PRDM1: variants seen among roughly 807,000 people sequenced by gnomAD.
PRDM1 encodes PR domain zinc finger protein 1.
A neutral mutation model predicts 62.8 loss-of-function variants in PRDM1; 13 were observed. The observed-to-expected ratio is 0.21, with a 90% confidence interval of 0.13 to 0.33. The LOEUF is 0.33. Ranked by LOEUF, PRDM1 falls within the 10% of genes least tolerant of loss-of-function variation. The probability of loss-of-function intolerance (pLI) is 1.00; values close to 1 mark genes in which losing one functional copy is unlikely to be tolerated. For synonymous variants in PRDM1, 396 were observed against 417.6 expected (o/e 0.95, Z 0.63); for missense variants, 895 against 1,058.8 (o/e 0.85, Z 2.15).
rs370467612 is a variant in PRDM1 at position 106,099,558 on chromosome 6, T to C, written c.664+6T>C. The C allele has an allele frequency of 6.2e-7, 1 of 1,613,144 alleles. No homozygotes were observed. Among genetic ancestry groups the C allele is most frequent in the Non-Finnish European group, 8.5e-7 (1 of 1,179,346 alleles). On this transcript the variant is annotated splice_donor_region_variant and intron_variant, in intron 4 of 6. Transcript: ENST00000369096. ...GCTGACAATGATGAATCTCAGTAAG[T>C]GGATTACAGAACAAAAAAATAAAAA...
chr6:106,038,892 G>T (rs1772956056), intron 1 of PRDM1, among the ~76,000 whole-genome samples: 1 of 152,154 alleles, frequency 6.6e-6, no homozygotes. Flanking sequence ...CAGTGTGTTT[G>T]TTGTCTAGCT....
At chr6:106,019,253 CAAAAAAAAAAAAAAAA>C (rs55704256) in intron 1 of PRDM1, among the ~76,000 whole-genome samples, 2 of 69,630 alleles carry the variant, frequency 2.9e-5, no homozygotes, top group African/African-American at 6.0e-5. Context: ...GACTCCATCT[CAAAAAAAAAAAAAAAA>C]AAAAAAAAAA....
At chr6:106,069,876 TA>T (rs1023212809) in intron 1 of PRDM1, among the ~76,000 whole-genome samples, 1 of 152,092 alleles carries the variant, frequency 6.6e-6, no homozygotes, top group African/African-American at 2.4e-5. Context: ...TTTTTCACCT[TA>T]AAAAAAGGTC....
At chr6:106,011,168 G>A (rs1432766815) in intron 1 of PRDM1, among the ~76,000 whole-genome samples, 2 of 152,094 alleles carry the variant, frequency 1.3e-5, no homozygotes, top group African/African-American at 2.4e-5. Flanking sequence ...CTATTTTAAA[G>A]AATTAAATTA....
chr6:106,018,899 A>G (rs1772657659), intron 1 of PRDM1, among the ~76,000 whole-genome samples: 1 of 151,240 alleles, frequency 6.6e-6, no homozygotes, highest in African/African-American at 2.4e-5. Context: ...CCTCACACAC[A>G]AGGAGGAGGG....
At chr6:106,086,318 A>G, upstream of PRDM1, 1 of 440,286 alleles carries the variant, frequency 2.3e-6, no homozygotes, top group African/African-American at 2.0e-5. Context: ...TTAAGCAGGG[A>G]GGGGAAGCCA....
rs765915166 is a variant in PRDM1, at chr6:106,105,513, C to T, written c.1353C>T (p.Leu451=). The change falls in exon 5 of 7, where the codon CTC becomes CTT. Residue 451 remains leucine, a synonymous_variant. Transcript: ENST00000369096. ...PRLCPVYSNL[L]GGGSLPHPML... ...TGTGCCCTGTCTACAGCAATCTCCT[C>T]GGTGGGGGCAGCCTGCCCCACCCCA... 1.9e-6 allele frequency: 3 copies of T among 1,613,886 alleles called. No homozygotes were observed. Among genetic ancestry groups the T allele is most frequent in the East Asian group, 2.2e-5 (1 of 44,880 alleles).
intron 4 of PRDM1, among the ~76,000 whole-genome samples, chr6:106,101,740 G>A (rs189387284): frequency 5.1e-4 from 77 of 152,270 alleles, no homozygotes; most frequent in African/African-American, 1.8e-3. Flanking sequence ...ACTGTGTTGG[G>A]TTTCCATGCT....
At chr6:106,026,945 G>A (rs966835396) in intron 1 of PRDM1, among the ~76,000 whole-genome samples, 1 of 152,180 alleles carries the variant, frequency 6.6e-6, no homozygotes, top group Non-Finnish European at 1.5e-5. Context: ...GAGAATGTAA[G>A]ATGTGCTGTT....
rs910451032 is a variant in PRDM1, at chr6:106,108,501, TTTG to T, written c.*1022_*1024del. 1.7e-5 allele frequency: 4 copies of T among 231,408 alleles called. No homozygotes were observed. The highest frequency in any genetic ancestry group is 6.7e-5 in the African/African-American group (3 of 44,792). 14.3% of individuals were successfully genotyped at this position (231,408 alleles called of 1,614,324 possible). ...TTGGGGGCTTGAGTCTGGGTGGTGT[TTTG>T]TTGTTGGTTTTTGTTGCTTTTTTTT... On this transcript the variant is annotated 3_prime_UTR_variant, in exon 7 of 7. Coordinates refer to ENST00000369096, the MANE Select transcript of PRDM1 (RefSeq NM_001198.4).
intron 1 of PRDM1, among the ~76,000 whole-genome samples, chr6:106,073,888 G>A (rs1773560232): frequency 6.6e-6 from 1 of 152,176 alleles, no homozygotes; most frequent in African/African-American, 2.4e-5. Context: ...CCTCAGTGAG[G>A]TGTTCTTATT....
Position 106,095,682 on chromosome 6 carries a change from T to C in PRDM1, c.359T>C (p.Ile120Thr), listed in dbSNP as rs1362252269. 1.2e-6 allele frequency: 2 copies of C among 1,613,882 alleles called. No individual in the cohort carries two copies. Among genetic ancestry groups the C allele is most frequent in the African/African-American group, 2.7e-5 (2 of 74,900 alleles). The part of the protein sequence containing the change: ...GTRFGPLIGE[I>T]YTNDTVPKNA... Reference sequence around the variant, plus strand: ...CGTTTTGGACCCCTAATAGGTGAAATCTACACCAATGACACAGTTCCTAAG... The same window carrying C: ...CGTTTTGGACCCCTAATAGGTGAAACCTACACCAATGACACAGTTCCTAAG... The change falls in exon 3 of 7, where the codon ATC becomes ACC. Residue 120 changes from isoleucine (I) to threonine (T), a missense_variant. By Grantham distance (89) the Ile-to-Thr change is moderately conservative. Around this residue, in one of 4 missense-constraint regions of PRDM1, gnomAD observed 213 missense variants for 283.9 expected, o/e 0.75. Transcript: ENST00000369096.
intron 1 of PRDM1, among the ~76,000 whole-genome samples, chr6:105,999,996 C>G (rs1354805739): frequency 6.6e-6 from 1 of 152,008 alleles, no homozygotes; most frequent in Non-Finnish European, 1.5e-5. Flanking sequence ...ACTACAGGCG[C>G]CTGCCACCAC....
rs1774196170 is a variant in PRDM1 at position 106,099,220 on chromosome 6, C to T, written c.412-80C>T. On this transcript the variant is annotated intron_variant, in intron 3 of 6. Coordinates refer to ENST00000369096, the MANE Select transcript of PRDM1 (RefSeq NM_001198.4). Reference sequence around the variant, plus strand: ...AGGGGATCAGAAATCACACACGGTACCGGCTGTGTTTATTCTGAGAGGTGC... The same window carrying T: ...AGGGGATCAGAAATCACACACGGTATCGGCTGTGTTTATTCTGAGAGGTGC... The T allele has an allele frequency of 2.5e-6, 4 of 1,602,722 alleles. No individual in the cohort carries two copies. In the South Asian group the frequency reaches 4.4e-5, roughly 18 times the overall value.
rs1461042621 is a variant in PRDM1, at chr6:106,108,578, G to C, written c.*1092G>C. 4.4e-6 allele frequency: 1 copy of C among 225,894 alleles called. No individual in the cohort carries two copies. The highest frequency in any genetic ancestry group is 2.3e-5 in the African/African-American group (1 of 42,728). The allele number at this position is 225,894 out of a possible 1,614,324, so 14.0% of individuals were successfully genotyped here. A position where few individuals can be genotyped will look rare whatever the true frequency, so the allele number is the denominator to read the frequency against. On this transcript the variant is annotated 3_prime_UTR_variant, in exon 7 of 7. Coordinates refer to ENST00000369096, the MANE Select transcript of PRDM1 (RefSeq NM_001198.4). ...TTGCACAAACATGGTGCTCTACCAG[G>C]AAGGATTCGAGGTAGATAGGCTCAG...
upstream of PRDM1, among the ~76,000 whole-genome samples, chr6:106,085,231 T>C (rs1773769431): frequency 6.6e-6 from 1 of 152,062 alleles, no homozygotes; most frequent in Admixed American, 6.6e-5. Flanking sequence ...CACACGTGTA[T>C]TTAAAATGTT....
intron 1 of PRDM1, among the ~76,000 whole-genome samples, chr6:106,022,226 T>G (rs1319105162): frequency 6.6e-6 from 1 of 152,182 alleles, no homozygotes; most frequent in Non-Finnish European, 1.5e-5. Context: ...AAGCACTAAG[T>G]GGAATACTTA....
upstream of PRDM1, among the ~76,000 whole-genome samples, chr6:106,083,607 T>A (rs991252178): frequency 1.3e-5 from 2 of 152,188 alleles, no homozygotes; most frequent in African/African-American, 4.8e-5. Context: ...GTTGTGATGA[T>A]GCCATCCACG....
At chr6:106,005,281 A>T (rs997145627) in intron 1 of PRDM1, among the ~76,000 whole-genome samples, 3 of 152,220 alleles carry the variant, frequency 2.0e-5, no homozygotes, top group African/African-American at 7.2e-5. Flanking sequence ...GGATATGCAC[A>T]TGACTTCTTA....
Sources: gnomAD v4.1 joint callset for allele counts (sites outside exome capture counted in the v4.1 genomes callset) on GRCh38, gnomAD v4.1.1 for gene constraint, gnomAD v4.1.1 regional missense constraint, MANE v1.5 for transcripts, NCBI Gene and HGNC (gene_info 2026-07-23, HGNC 2026-07-21) for gene names.